PDE11A: variants seen among roughly 807,000 people sequenced by gnomAD.
PDE11A encodes the protein phosphodiesterase 11A.
A neutral mutation model predicts 100.5 loss-of-function variants in PDE11A; 100 were observed. The observed-to-expected ratio is 1.00, with a 90% confidence interval of 0.85 to 1.18. The LOEUF (loss-of-function observed/expected upper bound fraction) is 1.18, where lower values mean the gene tolerates loss of function less well. Among genes scored for constraint, PDE11A ranks in the 50% most tolerant of loss-of-function variants. The probability of loss-of-function intolerance (pLI) is 0.00; values close to 1 mark genes in which losing one functional copy is unlikely to be tolerated. For synonymous variants in PDE11A, 381 were observed against 420.8 expected (o/e 0.91, Z 1.16); for missense variants, 1,141 against 1,152.6 (o/e 0.99, Z 0.15).
chr2:178,044,370 ATG>A (rs2086720174), intron 1 of PDE11A, among the ~76,000 whole-genome samples: 1 of 148,416 alleles, frequency 6.7e-6, no homozygotes, highest in Non-Finnish European at 1.5e-5. Flanking sequence ...CTTTATATAT[ATG>A]TTTTTATATA....
At chr2:178,058,448 G>A (rs1446036691) in intron 1 of PDE11A, among the ~76,000 whole-genome samples, 2 of 152,084 alleles carry the variant, frequency 1.3e-5, no homozygotes, top group African/African-American at 4.8e-5. Context: ...GAGTTTCCCT[G>A]CACAGGCTCT....
intron 1 of PDE11A, among the ~76,000 whole-genome samples, chr2:178,033,923 T>C (rs1241999880): frequency 6.6e-6 from 1 of 152,190 alleles, no homozygotes; most frequent in Non-Finnish European, 1.5e-5. Flanking sequence ...GAAAAGCTGT[T>C]ACCAGCCACT....
At chr2:177,688,502 A>G (rs916780824) in intron 15 of PDE11A, among the ~76,000 whole-genome samples, 2 of 152,240 alleles carry the variant, frequency 1.3e-5, no homozygotes, top group Non-Finnish European at 2.9e-5. Context: ...TGAGGCTGCT[A>G]AAAAGAATAT....
chr2:177,786,567 G>T (rs1044456432), intron 9 of PDE11A, among the ~76,000 whole-genome samples: 1 of 152,170 alleles, frequency 6.6e-6, no homozygotes, highest in Non-Finnish European at 1.5e-5. Context: ...AGAGAAGAAG[G>T]CTTCAGACGA....
chr2:178,046,987 G>C (rs184108226), intron 1 of PDE11A, among the ~76,000 whole-genome samples: 1 of 151,486 alleles, frequency 6.6e-6, no homozygotes, highest in African/African-American at 2.4e-5. Context: ...TCTCATTCCT[G>C]TAGACTTATT....
chr2:178,081,525 A>G (rs2105878897), intron 2 of PDE11A, among the ~76,000 whole-genome samples: 1 of 152,358 alleles, frequency 6.6e-6, no homozygotes, highest in African/African-American at 2.4e-5. Context: ...TTTGTTAACA[A>G]TGACCAAAAT....
chr2:177,680,763 A>G (rs2080850026), intron 16 of PDE11A, 63 bp downstream of exon 16: 1 of 916,630 alleles, frequency 1.1e-6, no homozygotes, highest in Non-Finnish European at 1.8e-6. Flanking sequence ...GTACTGTCAG[A>G]AAATTTATGT....
intron 6 of PDE11A, among the ~76,000 whole-genome samples, chr2:177,825,555 G>A (rs1038663285): frequency 6.6e-6 from 1 of 152,198 alleles, no homozygotes; most frequent in Non-Finnish European, 1.5e-5. Context: ...GAAAAGGCAA[G>A]GCCCAGGAGT....
chr2:177,668,303 AC>A (rs2080619930), intron 18 of PDE11A, among the ~76,000 whole-genome samples: 1 of 152,184 alleles, frequency 6.6e-6, no homozygotes, highest in African/African-American at 2.4e-5. Context: ...TGCCTCTGAA[AC>A]AGTTTTTAAA....
intron 12 of PDE11A, among the ~76,000 whole-genome samples, chr2:177,719,139 C>T (rs768648612): frequency 1.2e-4 from 19 of 152,124 alleles, no homozygotes; most frequent in Non-Finnish European, 2.2e-4. Context: ...ATGGACTGCA[C>T]ACCCTTGCCA....
At chr2:177,772,161 T>A (rs1479166350) in intron 9 of PDE11A, among the ~76,000 whole-genome samples, 1 of 152,160 alleles carries the variant, frequency 6.6e-6, no homozygotes, top group Non-Finnish European at 1.5e-5. Context: ...GTTTTCTCAA[T>A]CCTTTTTTAT....
chr2:178,064,548 G>C (rs1434995847), intron 1 of PDE11A, among the ~76,000 whole-genome samples: 2 of 152,038 alleles, frequency 1.3e-5, no homozygotes, highest in African/African-American at 2.4e-5. Context: ...AGGATTAAAA[G>C]AGACAATGCT....
intron 17 of PDE11A, among the ~76,000 whole-genome samples, chr2:177,671,060 C>T (rs1281675786): frequency 2.0e-5 from 3 of 152,156 alleles, no homozygotes; most frequent in Non-Finnish European, 4.4e-5. Context: ...GAAATGGTCC[C>T]CTAAGGGTAT....
At chr2:177,724,424 C>T (rs1430799131) in intron 12 of PDE11A, among the ~76,000 whole-genome samples, 1 of 151,894 alleles carries the variant, frequency 6.6e-6, no homozygotes, top group Admixed American at 6.6e-5. Context: ...GTTTATTTTC[C>T]ACCCGTGAAG....
chr2:177,815,029 T>C (rs1048760047), intron 9 of PDE11A, among the ~76,000 whole-genome samples: 1 of 152,178 alleles, frequency 6.6e-6, no homozygotes, highest in African/African-American at 2.4e-5. Flanking sequence ...AATTATACTG[T>C]GACATAATGA....
At chr2:177,698,667 C>G (rs2081153608) in intron 14 of PDE11A, 1 of 152,066 alleles carries the variant, frequency 6.6e-6, no homozygotes, top group Non-Finnish European at 1.5e-5. Flanking sequence ...TAATTTATTT[C>G]ATTGGGTGAA....
intron 5 of PDE11A, among the ~76,000 whole-genome samples, chr2:177,875,489 T>C (rs1440614591): frequency 6.6e-6 from 1 of 151,832 alleles, no homozygotes. Context: ...TCCATTCTCC[T>C]GCCTCAGCCT....
Position 178,101,286 on chromosome 2 carries a change from A to T in PDE11A, c.162+3016T>A, listed in dbSNP as rs934004913. Among the ~76,000 whole-genome samples, 5 of 152,206 alleles carry T rather than the reference A, an allele frequency of 3.3e-5. No individual in the cohort carries two copies. The East Asian group carries it at 9.6e-4, about 29-fold the overall frequency. ...TGTATTATAAAGGATACAAATCAGG[A>T]CTAGTCAGGGGAAGAGACCCATAGG... On this transcript the variant is annotated intron_variant, in intron 2 of 20. Coordinates refer to the PDE11A transcript ENST00000358450.
chr2:177,805,643 A>C (rs2082858308), intron 9 of PDE11A, among the ~76,000 whole-genome samples: 2 of 152,192 alleles, frequency 1.3e-5, no homozygotes, highest in East Asian at 3.8e-4. Context: ...AGAAATATTA[A>C]CAATTCAAGG....
Sources: gnomAD v4.1 joint callset for allele counts (sites outside exome capture counted in the v4.1 genomes callset) on GRCh38, gnomAD v4.1.1 for gene constraint, MANE v1.5 for transcripts, NCBI Gene and HGNC (gene_info 2026-07-23, HGNC 2026-07-21) for gene names.